Variants in PRDM16 observed in about 807,000 individuals in gnomAD.
PRDM16 encodes histone-lysine N-methyltransferase PRDM16.
In PRDM16, 23 loss-of-function variants were observed where a neutral mutation model predicts 110.6. That is an observed-to-expected ratio of 0.21 (90% CI 0.15 to 0.29). The LOEUF (loss-of-function observed/expected upper bound fraction) is 0.29. PRDM16 is among the 10% of genes least tolerant of loss of function. PRDM16 has a pLI of 1.00. For missense variants in PRDM16, 1,615 were observed against 1,794.3 expected (o/e 0.90, Z 1.81); for synonymous variants, 799 against 781.8 (o/e 1.02, Z -0.37).
chr1:3,437,686 T>C lies in PRDM16; in HGVS notation c.*3875T>C, dbSNP rs1209850904. ...CTTCCTAGAAGAGTTCCTCTGCTCCTTCCATTCCATTTTTGTGTTTGTTTT... is the reference window on the plus strand; with the variant it reads ...CTTCCTAGAAGAGTTCCTCTGCTCCCTCCATTCCATTTTTGTGTTTGTTTT... On this transcript the variant is annotated 3_prime_UTR_variant, in exon 17 of 17. Coordinates refer to ENST00000270722, the MANE Select transcript of PRDM16 (RefSeq NM_022114.4). 4.4e-6 allele frequency: 1 copy of C among 225,576 alleles called. No individual in the cohort carries two copies. The highest frequency in any genetic ancestry group is 6.4e-5 in the East Asian group (1 of 15,726). 14.0% of individuals were successfully genotyped at this position (225,576 alleles called of 1,614,324 possible).
At chr1:3,075,855 AC>A (rs1641886412) in intron 1 of PRDM16, among the ~76,000 whole-genome samples, 1 of 152,196 alleles carries the variant, frequency 6.6e-6, no homozygotes, top group African/African-American at 2.4e-5. Flanking sequence ...GGGTGCGGCG[AC>A]AGGCTCATCT....
At chr1:3,408,603 G>GGT (rs756989579) in intron 8 of PRDM16, among the ~76,000 whole-genome samples, 10 of 141,602 alleles carry the variant, frequency 7.1e-5, no homozygotes, top group South Asian at 2.1e-4. Context: ...TGTGTGAGCT[G>GGT]GTGTGTGTGT....
Position 3,188,762 on chromosome 1 carries a change from C to T in PRDM16, c.387+2288C>T, listed in dbSNP as rs74050166. On this transcript the variant is annotated intron_variant, in intron 2 of 16. Coordinates refer to ENST00000270722, the MANE Select transcript of PRDM16 (RefSeq NM_022114.4). ...TGGGACGGGGGGCAGCCATGTGCGT[C>T]GGTGCCTTCGGGAGCTGACATTGGA... is the stretch of plus-strand genomic sequence containing the variant. 1.0e-2 allele frequency among the ~76,000 whole-genome samples: 1,520 copies of T among 152,220 alleles called. 29 individuals are homozygous for T. The highest frequency in any genetic ancestry group is 0.034 in the African/African-American group (1,393 of 41,530).
In PRDM16 at chr1:3,358,501, G is replaced by T. The variant is rs1025176486; in HGVS notation, c.439-26651G>T. Among the ~76,000 whole-genome samples, 3 of 152,202 alleles carry T rather than the reference G, an allele frequency of 2.0e-5. No homozygotes were observed. Among genetic ancestry groups the T allele is most frequent in the African/African-American group, 7.2e-5 (3 of 41,432 alleles). On this transcript the variant is annotated intron_variant, in intron 3 of 16. Coordinates refer to ENST00000270722, the MANE Select transcript of PRDM16 (RefSeq NM_022114.4). The surrounding 1 kb of genome is among the most constrained non-coding windows in gnomAD (Gnocchi z 4.0). ...CAGACTCCCAGCCGCGGCTTCGGATGCAGCTGGAATAAGGTTCCAGTGTTC... is the reference window on the plus strand; with the variant it reads ...CAGACTCCCAGCCGCGGCTTCGGATTCAGCTGGAATAAGGTTCCAGTGTTC...
At chr1:3,155,564 A>G (rs924717033) in intron 1 of PRDM16, among the ~76,000 whole-genome samples, 4 of 152,156 alleles carry the variant, frequency 2.6e-5, no homozygotes, top group African/African-American at 7.2e-5. Context: ...TCCTCCCGAT[A>G]CAGCAGCGTT....
At chr1:3,180,980 A>C (rs912646852) in intron 1 of PRDM16, among the ~76,000 whole-genome samples, 2 of 141,230 alleles carry the variant, frequency 1.4e-5, no homozygotes, top group South Asian at 4.6e-4. Context: ...GGTCTTACAC[A>C]CGCAGTCTTA....
chr1:3,311,069 G>A (rs188497240), intron 3 of PRDM16, among the ~76,000 whole-genome samples: 88 of 152,298 alleles, frequency 5.8e-4, no homozygotes, highest in African/African-American at 1.8e-3. Context: ...AGCTGAACCC[G>A]GCCCCAGGAC....
chr1:3,123,692 G>A (rs1309286069), intron 1 of PRDM16, among the ~76,000 whole-genome samples: 3 of 152,238 alleles, frequency 2.0e-5, no homozygotes, highest in Non-Finnish European at 4.4e-5. Context: ...CAGGAGATGC[G>A]GCTGTGAGGG....
intron 3 of PRDM16, among the ~76,000 whole-genome samples, chr1:3,282,455 G>T (rs1640729489): frequency 6.6e-6 from 1 of 152,188 alleles, no homozygotes; most frequent in South Asian, 2.1e-4. Flanking sequence ...CAGCGCCGCA[G>T]GGCCCCCTGG....
At chr1:3,369,177 C>T (rs910673257) in intron 3 of PRDM16, among the ~76,000 whole-genome samples, 1 of 152,074 alleles carries the variant, frequency 6.6e-6, no homozygotes, top group Non-Finnish European at 1.5e-5. Context: ...GGCTGGAACT[C>T]GGGGGGAGCG....
intron 1 of PRDM16, among the ~76,000 whole-genome samples, chr1:3,088,108 T>G (rs1173147810): frequency 6.6e-6 from 1 of 152,084 alleles, no homozygotes; most frequent in Non-Finnish European, 1.5e-5. Context: ...TTCTACATTC[T>G]CCCTGTGCTG....
chr1:3,282,324 G>A (rs1406388170), intron 3 of PRDM16, among the ~76,000 whole-genome samples: 1 of 152,228 alleles, frequency 6.6e-6, no homozygotes, highest in Non-Finnish European at 1.5e-5. Flanking sequence ...GGCGCTGCCT[G>A]TGTGTGGAGT....
At chr1:3,380,522 C>T (rs1557642996) in intron 3 of PRDM16, among the ~76,000 whole-genome samples, 1 of 152,132 alleles carries the variant, frequency 6.6e-6, no homozygotes, top group Non-Finnish European at 1.5e-5. Context: ...TGAGCGTGTA[C>T]TCGGGACCAG....
Position 3,382,893 on chromosome 1 carries a change from G to A in PRDM16, c.439-2259G>A, listed in dbSNP as rs995477999. Among the ~76,000 whole-genome samples, 1 of 152,200 alleles carries A rather than the reference G, an allele frequency of 6.6e-6. No individual in the cohort carries two copies. Among genetic ancestry groups the A allele is most frequent in the African/African-American group, 2.4e-5 (1 of 41,444 alleles). ...AGAAGTGGACCCATGGGCTGGGGAC[G>A]GGACTGGGATACTGCCAGCCCCATG... On this transcript the variant is annotated intron_variant, in intron 3 of 16. Coordinates refer to ENST00000270722, the MANE Select transcript of PRDM16 (RefSeq NM_022114.4). This position sits in a 1 kb window ranked among gnomAD's most constrained non-coding sequence, Gnocchi z 6.6.
rs893457584 is a variant in PRDM16, at chr1:3,436,600, TA to T, written c.*2790del. 75 of 231,368 alleles carry T rather than the reference TA, an allele frequency of 3.2e-4. No individual in the cohort carries two copies. The highest frequency in any genetic ancestry group is 1.6e-3 in the African/African-American group (72 of 45,310). 14.3% of individuals were successfully genotyped at this position (231,368 alleles called of 1,614,324 possible). A position where few individuals can be genotyped will look rare whatever the true frequency, so the allele number is the denominator to read the frequency against. ...CGCCCCAAAACACGGCCCCGACACT[TA>T]GTGTGGCCCCAGGCCCCAGCGAGCC... On this transcript the variant is annotated 3_prime_UTR_variant, in exon 17 of 17. Transcript: ENST00000270722.
chr1:3,110,216 C>T (rs1210801926), intron 1 of PRDM16, among the ~76,000 whole-genome samples: 4 of 131,874 alleles, frequency 3.0e-5, no homozygotes, highest in Non-Finnish European at 4.8e-5. Context: ...ACACAGTGCT[C>T]GGGGGCTCCC....
Position 3,412,486 on chromosome 1 carries a change from G to A in PRDM16, c.2289G>A (p.Lys763=). The change falls in exon 9 of 17, where the codon AAG becomes AAA. Residue 763 remains lysine (K), a synonymous_variant. Transcript: ENST00000270722. ...CAAAGTCACCCCGGGACGCCCTCAAGGTGGGCGGCCCCAGTGCCGAGTGCC... is the reference window on the plus strand; with the variant it reads ...CAAAGTCACCCCGGGACGCCCTCAAAGTGGGCGGCCCCAGTGCCGAGTGCC... The part of the protein sequence containing the change: ...AEPKSPRDAL[K]VGGPSAECPF... 1 of 1,613,354 alleles carries A rather than the reference G, an allele frequency of 6.2e-7. No individual in the cohort carries two copies. Among genetic ancestry groups the A allele is most frequent in the Non-Finnish European group, 8.5e-7 (1 of 1,180,002 alleles).
chr1:3,121,665 G>T (rs1643096386), intron 1 of PRDM16, among the ~76,000 whole-genome samples: 2 of 152,268 alleles, frequency 1.3e-5, no homozygotes, highest in African/African-American at 4.8e-5. Flanking sequence ...GGAAGGGGAG[G>T]ACAGGGAACC....
intron 5 of PRDM16, among the ~76,000 whole-genome samples, chr1:3,402,512 C>T (rs1209111398): frequency 2.0e-5 from 3 of 152,212 alleles, no homozygotes; most frequent in Non-Finnish European, 4.4e-5. Flanking sequence ...CTGCCTGAGG[C>T]ACAGGCAGGG....
Sources: gnomAD v4.1 joint callset for allele counts (sites outside exome capture counted in the v4.1 genomes callset) on GRCh38, gnomAD v4.1.1 for gene constraint, Gnocchi (gnomAD v3.1) non-coding constraint, MANE v1.5 for transcripts, NCBI Gene and HGNC (gene_info 2026-07-23, HGNC 2026-07-21) for gene names.